PHACTR3: variants seen among roughly 807,000 people sequenced by gnomAD.
PHACTR3 encodes phosphatase and actin regulator 3.
Under a neutral mutation model 66.8 loss-of-function variants are expected in PHACTR3, and 16 were observed. The observed-to-expected ratio is 0.24, with a 90% CI of 0.16 to 0.36. The LOEUF (loss-of-function observed/expected upper bound fraction) is 0.36, where lower values mean the gene tolerates loss of function less well. Ranked by LOEUF, PHACTR3 falls within the 10% of genes least tolerant of loss-of-function variation. The pLI is 1.00. For missense variants in PHACTR3, 647 were observed against 719.9 expected, an observed-to-expected ratio of 0.90 and a Z score of 1.16; for synonymous variants, 323 against 292.1, an observed-to-expected ratio of 1.11 and a Z score of -1.08.
At chr20:59,773,030 T>C (rs1298857625) in intron 5 of PHACTR3, among the ~76,000 whole-genome samples, 1 of 152,170 alleles carries the variant, frequency 6.6e-6, no homozygotes, top group East Asian at 1.9e-4. Flanking sequence ...GGGAGGATGC[T>C]GGTGCTGGTG....
At chr20:59,692,035 C>G (rs1415440052) in intron 1 of PHACTR3, among the ~76,000 whole-genome samples, 1 of 152,212 alleles carries the variant, frequency 6.6e-6, no homozygotes, top group Admixed American at 6.5e-5. Flanking sequence ...AGGAATTCAA[C>G]CTTTGTTTCC....
intron 7 of PHACTR3, among the ~76,000 whole-genome samples, chr20:59,791,179 G>A (rs73307116): frequency 1.3e-5 from 2 of 152,062 alleles, no homozygotes; most frequent in South Asian, 4.1e-4. Flanking sequence ...TGAGAGCTCC[G>A]CCATCATGGA....
In PHACTR3 at chr20:59,773,523, G is replaced by A. The variant is rs1328170757; in HGVS notation, c.926+70G>A. ...TGCCTGGCCAGCCTCAGGCTGTGCAGCTCATGCCACGCCCAGGGCCTTGGC... is the reference window on the plus strand; with the variant it reads ...TGCCTGGCCAGCCTCAGGCTGTGCAACTCATGCCACGCCCAGGGCCTTGGC... On this transcript the variant is annotated intron_variant, in intron 6 of 12. Coordinates refer to ENST00000371015, the MANE Select transcript of PHACTR3 (RefSeq NM_080672.5). 6.2e-6 allele frequency: 9 copies of A among 1,460,426 alleles called. No individual in the cohort carries two copies. In the East Asian group the frequency reaches 1.5e-4, roughly 24 times the overall value. 90.5% of individuals were successfully genotyped at this position (1,460,426 alleles called of 1,614,324 possible).
At chr20:59,580,956 G>T (rs1246302395) in intron 1 of PHACTR3, among the ~76,000 whole-genome samples, 4 of 152,236 alleles carry the variant, frequency 2.6e-5, no homozygotes, top group Non-Finnish European at 4.4e-5. Flanking sequence ...GACTCAGGGT[G>T]GGTCATATAG....
rs114893442 is a variant in PHACTR3 at position 59,750,214 on chromosome 20, T to C, written c.358+2379T>C. Among the ~76,000 whole-genome samples, 1,495 of 151,462 alleles carry C rather than the reference T, an allele frequency of 9.9e-3. 19 individuals carry two copies. Among genetic ancestry groups the C allele is most frequent in the African/African-American group, 0.033 (1,378 of 41,214 alleles). On this transcript the variant is annotated intron_variant, in intron 3 of 12. Transcript: ENST00000371015. ...TAAGATCATGAGACAGGACCTGACC[T>C]GGTTCTCGGGGGGCCGGGAGATGTT... is the stretch of plus-strand genomic sequence containing the variant.
At chr20:59,697,534 T>A (rs1320256028) in intron 1 of PHACTR3, among the ~76,000 whole-genome samples, 1 of 152,128 alleles carries the variant, frequency 6.6e-6, no homozygotes, top group Admixed American at 6.5e-5. Flanking sequence ...CATGAGACCA[T>A]TGGTAACTCA....
intron 1 of PHACTR3, among the ~76,000 whole-genome samples, chr20:59,605,358 T>C (rs1395066110): frequency 6.6e-6 from 1 of 152,186 alleles, no homozygotes; most frequent in Non-Finnish European, 1.5e-5. Context: ...GCGCTGCAGC[T>C]TCCCCTCCTC....
rs1353464098 is a variant in PHACTR3, at chr20:59,829,665, C to T, written c.1329-6840C>T. On this transcript the variant is annotated intron_variant, in intron 8 of 12. Transcript: ENST00000371015. This position sits in a 1 kb window ranked among gnomAD's most constrained non-coding sequence, Gnocchi z 4.2. ...GCCAGCTTTTCTCAGTGACTCAAGG[C>T]GGCTGTGGGGCAGGATTGGCATTCC... Among the ~76,000 whole-genome samples, 6 of 152,338 alleles carry T rather than the reference C, an allele frequency of 3.9e-5. No individual in the cohort carries two copies. The highest frequency in any genetic ancestry group is 1.9e-4 in the East Asian group (1 of 5,188).
chr20:59,751,232 C>G (rs1259004787), intron 3 of PHACTR3, among the ~76,000 whole-genome samples: 1 of 152,116 alleles, frequency 6.6e-6, no homozygotes, highest in Non-Finnish European at 1.5e-5. Flanking sequence ...CTTCAGCCAC[C>G]GCCTTCCACT....
chr20:59,810,444 A>G (rs1408418077), intron 8 of PHACTR3, among the ~76,000 whole-genome samples: 3 of 152,186 alleles, frequency 2.0e-5, no homozygotes, highest in East Asian at 1.9e-4. Flanking sequence ...GAGGTCAGAC[A>G]TGGCTTCCTG....
At chr20:59,635,502 G>A (rs2034868786) in intron 1 of PHACTR3, among the ~76,000 whole-genome samples, 1 of 151,900 alleles carries the variant, frequency 6.6e-6, no homozygotes, top group African/African-American at 2.4e-5. Flanking sequence ...CCAAAGTGCT[G>A]GGATTACAGG....
At chr20:59,838,160 T>C (rs186373179) in intron 9 of PHACTR3, among the ~76,000 whole-genome samples, 14 of 152,318 alleles carry the variant, frequency 9.2e-5, no homozygotes, top group African/African-American at 3.4e-4. Context: ...GGAAGCCCTC[T>C]CTAGTGTCCT....
intron 7 of PHACTR3, among the ~76,000 whole-genome samples, chr20:59,780,463 T>A (rs920851037): frequency 1.2e-4 from 19 of 152,180 alleles, no homozygotes; most frequent in Non-Finnish European, 2.9e-5. Context: ...AGGTGGTGCC[T>A]TCTATGTGTC....
At chr20:59,604,259 T>TG (rs2033576175), upstream of PHACTR3, among the ~76,000 whole-genome samples, 1 of 152,108 alleles carries the variant, frequency 6.6e-6, no homozygotes, top group African/African-American at 2.4e-5. Flanking sequence ...CTGCAGCTGC[T>TG]GGGGAAATTA....
chr20:59,766,938 C>A (rs1317540253), intron 4 of PHACTR3, among the ~76,000 whole-genome samples: 1 of 152,110 alleles, frequency 6.6e-6, no homozygotes, highest in Non-Finnish European at 1.5e-5. Context: ...TGGCATGGAC[C>A]TCTCATGTGG....
At chr20:59,607,556 T>A (rs1411469301) in intron 1 of PHACTR3, among the ~76,000 whole-genome samples, 5 of 152,256 alleles carry the variant, frequency 3.3e-5, no homozygotes, top group Non-Finnish European at 5.9e-5. Context: ...GCATCAGTAT[T>A]TGCAAAGACT....
At position 59,790,495 on chromosome 20, in the gene PHACTR3, G is replaced by A. The variant is rs144439126; in HGVS notation, c.1175-15546G>A. Among the ~76,000 whole-genome samples, 58 of 152,268 alleles carry A rather than the reference G, an allele frequency of 3.8e-4. 1 individual carries two copies. The highest frequency in any genetic ancestry group is 1.2e-3 in the African/African-American group (48 of 41,552). Reference sequence around the variant, plus strand: ...ATGCAGGAATGAGGACATTTTCTGCGGCTTTGGTTAGAAGTAGAAAAACAA... The same window carrying A: ...ATGCAGGAATGAGGACATTTTCTGCAGCTTTGGTTAGAAGTAGAAAAACAA... On this transcript the variant is annotated intron_variant, in intron 7 of 12. Coordinates refer to ENST00000371015, the MANE Select transcript of PHACTR3 (RefSeq NM_080672.5).
At position 59,773,724 on chromosome 20, in the gene PHACTR3, A is replaced by G. The variant is rs2040434045; in HGVS notation, c.926+271A>G. Among the ~76,000 whole-genome samples, 7 of 152,348 alleles carry G rather than the reference A, an allele frequency of 4.6e-5. No homozygotes were observed. The South Asian group carries it at 1.4e-3, about 32-fold the overall frequency. On this transcript the variant is annotated intron_variant, in intron 6 of 12. Coordinates refer to ENST00000371015, the MANE Select transcript of PHACTR3 (RefSeq NM_080672.5). ...CCTGTGCGTGAGCCCCTCAGGACCC[A>G]GGGTGGGGTGGGAGCTTTGCAGGAG...
chr20:59,796,539 A>G (rs1196773445), intron 7 of PHACTR3, among the ~76,000 whole-genome samples: 6 of 152,156 alleles, frequency 3.9e-5, no homozygotes, highest in East Asian at 1.9e-4. Flanking sequence ...TGTAAAGGCA[A>G]TCTAGTGGTA....
Sources: gnomAD v4.1 joint callset for allele counts (sites outside exome capture counted in the v4.1 genomes callset) on GRCh38, gnomAD v4.1.1 for gene constraint, Gnocchi (gnomAD v3.1) non-coding constraint, MANE v1.5 for transcripts, NCBI Gene and HGNC (gene_info 2026-07-23, HGNC 2026-07-21) for gene names.